Variants in C2CD5 observed in about 807,000 individuals in gnomAD.
The protein encoded by C2CD5 is C2 domain-containing protein 5.
C2CD5 carries 109 observed loss-of-function variants against 130.3 expected under a neutral mutation model. The ratio of observed to expected loss-of-function variants is 0.84; its 90% CI spans 0.72 to 0.98. The LOEUF is 0.98. Ranked by LOEUF, C2CD5 falls within the 50% of genes least tolerant of loss-of-function variation. The probability of loss-of-function intolerance (pLI) is 0.00; values close to 1 mark genes in which losing one functional copy is unlikely to be tolerated. For missense variants in C2CD5, 996 were observed against 1,261.8 expected, an observed-to-expected ratio of 0.79 and a Z score of 3.19; for synonymous variants, 454 against 429.2, an observed-to-expected ratio of 1.06 and a Z score of -0.71.
chr12:22,459,357 C>CAA (rs148077355), intron 23 of C2CD5, 135 bp downstream of exon 23: 123 of 420,130 alleles, frequency 2.9e-4, no homozygotes, highest in East Asian at 1.5e-3. Context: ...ATTCTACCTA[C>CAA]AAAAAAAAAA....
rs1351709092 is a variant in C2CD5, at chr12:22,508,199, T to A, written c.1039-1380A>T. Among the ~76,000 whole-genome samples the A allele has an allele frequency of 2.6e-5, 4 of 152,154 alleles. 1 individual carries two copies. In the South Asian group the frequency reaches 8.3e-4, roughly 31 times the overall value. Reference sequence around the variant, plus strand: ...CATGAAGGTTGAGTATAAAAAAGTTTCTAAAATTTATTTAGAAATAAATTC... The same window carrying A: ...CATGAAGGTTGAGTATAAAAAAGTTACTAAAATTTATTTAGAAATAAATTC... On this transcript the variant is annotated intron_variant, in intron 9 of 26. Coordinates refer to ENST00000446597, the MANE Select transcript of C2CD5 (RefSeq NM_001286176.2).
intron 2 of C2CD5, among the ~76,000 whole-genome samples, chr12:22,537,681 G>C (rs1951955240): frequency 6.6e-6 from 1 of 152,240 alleles, no homozygotes; most frequent in African/African-American, 2.4e-5. Flanking sequence ...ATTTAAATTG[G>C]CTTCCTCCTC....
Position 22,454,037 on chromosome 12 carries a change from T to C in C2CD5, c.2883A>G (p.Gly961=). The change falls in exon 26 of 27, where the codon GGA becomes GGG. Residue 961 remains glycine, a synonymous_variant. Coordinates refer to ENST00000446597, the MANE Select transcript of C2CD5 (RefSeq NM_001286176.2). Reference sequence around the variant, plus strand: ...AAGCATGGAGAAAACCACTGACTCCTCCTTCCTAAATAATAGTGCACAGGA... The same window carrying C: ...AAGCATGGAGAAAACCACTGACTCCCCCTTCCTAAATAATAGTGCACAGGA... ...IRETTSLREE[G]GVSGFLHAFI... The C allele has an allele frequency of 6.2e-7, 1 of 1,613,014 alleles. No homozygotes were observed. The highest frequency in any genetic ancestry group is 8.5e-7 in the Non-Finnish European group (1 of 1,179,226).
At chr12:22,474,608 A>G in intron 16 of C2CD5, 143 bp downstream of exon 16, 2 of 511,640 alleles carry the variant, frequency 3.9e-6, no homozygotes, top group South Asian at 1.1e-4. Flanking sequence ...GTTATTTTCA[A>G]GTTTGTTGTA....
intron 9 of C2CD5, among the ~76,000 whole-genome samples, chr12:22,508,026 C>A (rs142773683): frequency 2.6e-5 from 4 of 152,088 alleles, no homozygotes; most frequent in African/African-American, 9.7e-5. Context: ...CAGAATACCA[C>A]CAGAAGCAGG....
chr12:22,520,087 T>A (rs1000428470), intron 7 of C2CD5, among the ~76,000 whole-genome samples: 2 of 152,014 alleles, frequency 1.3e-5, no homozygotes, highest in Admixed American at 6.6e-5. Context: ...TAAGAAAAAA[T>A]TTGGCTAAAA....
At position 22,459,531 on chromosome 12, in the gene C2CD5, T is replaced by G; in HGVS notation, c.2545A>C (p.Ser849Arg). The G allele has an allele frequency of 6.5e-7, 1 of 1,530,582 alleles. No homozygotes were observed. Among genetic ancestry groups the G allele is most frequent in the Non-Finnish European group, 8.8e-7 (1 of 1,142,004 alleles). The allele number at this position is 1,530,582 out of a possible 1,614,324, so 94.8% of individuals were successfully genotyped here. Residue 849 changes from serine (S) to arginine (R), a missense_variant, in exon 23 of 27, where the codon AGT (serine) becomes CGT (arginine). Transcript: ENST00000446597. The stretch of plus-strand genomic sequence containing the variant: ...GGTATACCTGAGTTAGAACTTGCAC[T>G]CTCCAGGTGTTCTAATAAGACAATA... ...PFPPAKEHLE[S>R]ASSNSGIPAA...
Position 22,544,196 on chromosome 12 carries a change from A to T in C2CD5, c.-29-17T>A. On this transcript the variant is annotated splice_polypyrimidine_tract_variant and intron_variant, in intron 1 of 26. Coordinates refer to ENST00000446597, the MANE Select transcript of C2CD5 (RefSeq NM_001286176.2). ...CTTGGGCTCCTGCAGAAACAAACAA[A>T]CGAGTCTGCGCCGAGCGCGGGGCCG... is the stretch of plus-strand genomic sequence containing the variant. 1 of 1,574,462 alleles carries T rather than the reference A, an allele frequency of 6.4e-7. No individual in the cohort carries two copies. Among genetic ancestry groups the T allele is most frequent in the South Asian group, 1.1e-5 (1 of 90,156 alleles).
chr12:22,451,465 G>A (rs767177860), intron 26 of C2CD5, among the ~76,000 whole-genome samples: 1 of 152,088 alleles, frequency 6.6e-6, no homozygotes, highest in Non-Finnish European at 1.5e-5. Context: ...GGGGGAAAAA[G>A]CTAATGACAT....
At chr12:22,511,304 T>C (rs79600905) in intron 9 of C2CD5, among the ~76,000 whole-genome samples, 3,150 of 152,248 alleles carry the variant, frequency 0.021, 115 homozygotes, top group African/African-American at 0.069. Flanking sequence ...AGTGTTCAGA[T>C]TAGCAGAATT....
chr12:22,518,839 T>C (rs980594164), intron 7 of C2CD5, among the ~76,000 whole-genome samples: 4 of 152,184 alleles, frequency 2.6e-5, no homozygotes, highest in East Asian at 1.9e-4. Context: ...TATGGGAGGA[T>C]TCGCCACAAA....
At chr12:22,502,044 C>CAA (rs575623673) in intron 10 of C2CD5, among the ~76,000 whole-genome samples, 12 of 147,076 alleles carry the variant, frequency 8.2e-5, no homozygotes, top group Admixed American at 5.4e-4. Context: ...ATGTTTTTAT[C>CAA]AAAAAAAAAA....
At position 22,459,473 on chromosome 12, in the gene C2CD5, CTTAA is replaced by C. The variant is rs1458740129; in HGVS notation, c.2584+15_2584+18del. The stretch of plus-strand genomic sequence containing the variant: ...ATTTTACACCTTTGGTGACTATTTG[CTTAA>C]TTAGACAAACTCACCTCTCTGTGCA... On this transcript the variant is annotated intron_variant, in intron 23 of 26. Transcript: ENST00000446597. The C allele has an allele frequency of 2.0e-6, 3 of 1,500,634 alleles. No homozygotes were observed. The highest frequency in any genetic ancestry group is 1.2e-5 in the South Asian group (1 of 83,318). The allele number at this position is 1,500,634 out of a possible 1,614,324, so 93.0% of individuals were successfully genotyped here. A position where few individuals can be genotyped will look rare whatever the true frequency, so the allele number is the denominator to read the frequency against.
intron 2 of C2CD5, among the ~76,000 whole-genome samples, chr12:22,538,160 C>G (rs1475952770): frequency 2.6e-5 from 4 of 152,188 alleles, no homozygotes; most frequent in Admixed American, 6.5e-5. Context: ...TAATGTAAGG[C>G]TAAGACCTCT....
intron 8 of C2CD5, among the ~76,000 whole-genome samples, chr12:22,514,081 A>G (rs1949473638): frequency 6.6e-6 from 1 of 152,076 alleles, no homozygotes; most frequent in African/African-American, 2.4e-5. Flanking sequence ...TTTACGGCTT[A>G]ATTTTAAATT....
rs62000366 is a variant in C2CD5 at position 22,484,740 on chromosome 12, T to C, written c.1507A>G (p.Thr503Ala). Residue 503 changes from threonine (T) to alanine (A), a missense_variant, in exon 13 of 27, where the codon ACA becomes GCA. Thr to Ala is a moderately conservative substitution (Grantham distance 58). Coordinates refer to ENST00000446597, the MANE Select transcript of C2CD5 (RefSeq NM_001286176.2). ...DVLFTTIDLP[T>A]DATVIGKGCL... Reference sequence around the variant, plus strand: ...CCTTTTCCAATAACTGTTGCATCTGTTGGGAGGTCTATAGTTGTAAACAGA... The same window carrying C: ...CCTTTTCCAATAACTGTTGCATCTGCTGGGAGGTCTATAGTTGTAAACAGA... 322 of 1,601,878 alleles carry C rather than the reference T, an allele frequency of 2.0e-4. 2 individuals are homozygous for C. Among genetic ancestry groups the C allele is most frequent in the East Asian group, 5.8e-4 (26 of 44,452 alleles).
At chr12:22,520,180 T>G (rs1268412067) in intron 7 of C2CD5, among the ~76,000 whole-genome samples, 2 of 152,200 alleles carry the variant, frequency 1.3e-5, no homozygotes, top group East Asian at 3.8e-4. Flanking sequence ...CACTGTGCAA[T>G]GCCTTTGCTT....
intron 3 of C2CD5, 59 bp from the exon 4 acceptor site, chr12:22,527,951 T>C (rs994684914): frequency 2.1e-6 from 2 of 960,558 alleles, no homozygotes; most frequent in Admixed American, 2.6e-5. Context: ...TTACCACAAA[T>C]GTATACCTAT....
chr12:22,463,097 A>G (rs570375632), intron 22 of C2CD5, among the ~76,000 whole-genome samples: 156 of 148,484 alleles, frequency 1.1e-3, no homozygotes, highest in African/African-American at 3.6e-3. Context: ...GAGAGAGAGA[A>G]AAAAAAAGGC....
Sources: allele counts gnomAD v4.1 joint callset (sites outside exome capture counted in the v4.1 genomes callset), GRCh38; gene constraint gnomAD v4.1.1; transcripts MANE v1.5; gene names NCBI Gene and HGNC (gene_info 2026-07-23, HGNC 2026-07-21).